The following CD36 variants were observed in gnomAD, a reference collection of about 807,000 sequenced individuals.
CD36 encodes CD36 molecule (CD36 blood group).
Under a neutral mutation model 55.2 loss-of-function variants are expected in CD36, and 119 were observed. The ratio of observed to expected loss-of-function variants is 2.15; its 90% confidence interval spans 1.86 to 2.51. CD36 has a LOEUF of 2.51. CD36 is among the 30% of genes most tolerant of loss of function. The pLI is 0.00. For synonymous variants in CD36, 186 were observed against 193.6 expected, an observed-to-expected ratio of 0.96 and a Z score of 0.33; for missense variants, 819 against 555.5, an observed-to-expected ratio of 1.47 and a Z score of -4.77.
At chr7:80,610,757 C>G (rs10268765) in intron 1 of CD36, among the ~76,000 whole-genome samples, 61,368 of 151,676 alleles carry the variant, frequency 0.4, 12,626 homozygotes, top group African/African-American at 0.47. Context: ...TGGATTTTTA[C>G]TAGAGACTGG....
chr7:80,669,484 A>G (rs750328666), intron 8 of CD36, among the ~76,000 whole-genome samples: 1 of 152,012 alleles, frequency 6.6e-6, no homozygotes, highest in South Asian at 2.1e-4. Flanking sequence ...CTGGAGTGCA[A>G]TGGCATGATC....
rs184370929 is a variant in CD36, at chr7:80,653,504, T to C, written c.121-3036T>C. ...TTCAACCCAGCTATAGAACATGCTA[T>C]GTGAGAGTCACCAGGTTGAAATCCA... On this transcript the variant is annotated intron_variant, in intron 3 of 14. Transcript: ENST00000447544. 3.9e-5 allele frequency among the ~76,000 whole-genome samples: 6 copies of C among 152,300 alleles called. No homozygotes were observed. In the Middle Eastern group the frequency reaches 0.014, roughly 345 times the overall value.
intron 11 of CD36, 146 bp downstream of exon 11, chr7:80,672,186 T>A (rs1797754225): frequency 1.5e-6 from 1 of 664,156 alleles, no homozygotes; most frequent in East Asian, 2.9e-5. Flanking sequence ...CTTAGGTCGA[T>A]TTCTTCCTAT....
intron 9 of CD36, 162 bp from the exon 10 acceptor site, chr7:80,670,815 T>C: frequency 1.6e-6 from 1 of 623,604 alleles, no homozygotes; most frequent in Admixed American, 2.8e-5. Context: ...CTATTGAGTT[T>C]TAGTATGTGT....
At chr7:80,651,162 A>C (rs1416115852) in intron 3 of CD36, among the ~76,000 whole-genome samples, 1 of 152,158 alleles carries the variant, frequency 6.6e-6, no homozygotes, top group Non-Finnish European at 1.5e-5. Flanking sequence ...ACATGTTCTC[A>C]CTTGTAAGTA....
chr7:80,633,509 G>A (rs1794207750), intron 1 of CD36: 1 of 151,892 alleles, frequency 6.6e-6, no homozygotes, highest in Non-Finnish European at 1.5e-5. Flanking sequence ...TCTTTTAAAG[G>A]TGATATTAGA....
At chr7:80,642,568 TA>T (rs1794893570) in intron 1 of CD36, among the ~76,000 whole-genome samples, 1 of 152,138 alleles carries the variant, frequency 6.6e-6, no homozygotes, top group Non-Finnish European at 1.5e-5. Flanking sequence ...AAACTAATTA[TA>T]ATTTTGTCAT....
intron 1 of CD36, among the ~76,000 whole-genome samples, chr7:80,611,097 G>A (rs911188714): frequency 2.6e-5 from 4 of 151,904 alleles, no homozygotes; most frequent in African/African-American, 9.7e-5. Context: ...TGCCCAGGCT[G>A]GTCTCAAACT....
At chr7:80,604,087 C>T (rs553311605) in intron 1 of CD36, among the ~76,000 whole-genome samples, 8 of 152,122 alleles carry the variant, frequency 5.3e-5, no homozygotes, top group Admixed American at 2.6e-4. Flanking sequence ...CGCTTCACAA[C>T]AGGTTACTTT....
chr7:80,652,871 G>T (rs1377573473), intron 3 of CD36, among the ~76,000 whole-genome samples: 1 of 152,106 alleles, frequency 6.6e-6, no homozygotes, highest in Non-Finnish European at 1.5e-5. Context: ...TACTAACACT[G>T]TTCTAAGTGT....
At chr7:80,603,248 C>G (rs148369563) in intron 1 of CD36, among the ~76,000 whole-genome samples, 13 of 152,068 alleles carry the variant, frequency 8.5e-5, no homozygotes, top group Non-Finnish European at 1.9e-4. Flanking sequence ...AAAAGAAAAG[C>G]AGTTCCTTCT....
chr7:80,614,553 G>T (rs1437235117), intron 1 of CD36, among the ~76,000 whole-genome samples: 1 of 152,050 alleles, frequency 6.6e-6, no homozygotes, highest in Non-Finnish European at 1.5e-5. Context: ...TTGTACATTA[G>T]TCTGTGATTT....
chr7:80,632,205 G>A (rs1429868169), intron 1 of CD36, among the ~76,000 whole-genome samples: 1 of 151,458 alleles, frequency 6.6e-6, no homozygotes, highest in African/African-American at 2.4e-5. Context: ...TCAAGTGCAG[G>A]GTTTGTGCCA....
chr7:80,637,495 T>A (rs1394082365), upstream of CD36, among the ~76,000 whole-genome samples: 1 of 152,032 alleles, frequency 6.6e-6, no homozygotes, highest in African/African-American at 2.4e-5. Context: ...TTTTATGACT[T>A]ATTTTTTAAA....
At chr7:80,667,987 T>A (rs1244962007) in intron 8 of CD36, among the ~76,000 whole-genome samples, 3 of 152,002 alleles carry the variant, frequency 2.0e-5, no homozygotes, top group African/African-American at 7.2e-5. Context: ...GACCTTGTGA[T>A]CCGCCCCCCT....
chr7:80,637,617 T>C (rs930312668), upstream of CD36, among the ~76,000 whole-genome samples: 6 of 152,012 alleles, frequency 3.9e-5, no homozygotes, highest in Non-Finnish European at 8.8e-5. Flanking sequence ...AAGGATTCGT[T>C]GTGTGCCTCA....
In CD36 at chr7:80,678,972, G is replaced by T. The variant is rs1371088856; in HGVS notation, c.*2589G>T. ...TGACATTTCAGTTTTTCTGTTTGAA[G>T]TCCAATGTATTAGTGACTCTGTGGC... On this transcript the variant is annotated 3_prime_UTR_variant, in exon 15 of 15. Transcript: ENST00000447544. The T allele has an allele frequency of 6.6e-6, 1 of 152,166 alleles. No individual in the cohort carries two copies. Among genetic ancestry groups the T allele is most frequent in the East Asian group, 1.9e-4 (1 of 5,192 alleles). 9.4% of individuals were successfully genotyped at this position (152,166 alleles called of 1,614,324 possible).
At chr7:80,673,957 A>G (rs774448235) in intron 13 of CD36, 26 bp from the exon 14 acceptor site, 2 of 1,593,052 alleles carry the variant, frequency 1.3e-6, no homozygotes, top group African/African-American at 1.3e-5. Context: ...GTACCCAAAT[A>G]ATGTTGATTA....
chr7:80,646,727 C>T lies in CD36; in HGVS notation c.-14C>T, dbSNP rs1409779623. On this transcript the variant is annotated 5_prime_UTR_variant, in exon 3 of 15. Coordinates refer to ENST00000447544, the MANE Select transcript of CD36 (RefSeq NM_001001548.3). ...ACAGGTGCTTAACACTAATTCACCT[C>T]CTGAACAAGAAAAATGGGCTGTGAC... is the stretch of plus-strand genomic sequence containing the variant. 1 of 1,613,758 alleles carries T rather than the reference C, an allele frequency of 6.2e-7. No homozygotes were observed. Among genetic ancestry groups the T allele is most frequent in the Admixed American group, 1.7e-5 (1 of 59,998 alleles).
Sources: allele counts gnomAD v4.1 joint callset (sites outside exome capture counted in the v4.1 genomes callset), GRCh38; gene constraint gnomAD v4.1.1; transcripts MANE v1.5; gene names NCBI Gene and HGNC (gene_info 2026-07-23, HGNC 2026-07-21).